NRXN1: variants seen among roughly 807,000 people sequenced by gnomAD.
The protein encoded by NRXN1 is neurexin-1.
A neutral mutation model predicts 150.9 loss-of-function variants in NRXN1; 39 were observed. The observed-to-expected ratio is 0.26, with a 90% CI of 0.20 to 0.34. NRXN1 has a LOEUF of 0.34. NRXN1 is among the 10% of genes least tolerant of loss of function. NRXN1 has a pLI of 1.00. For synonymous variants in NRXN1, 924 were observed against 757.0 expected, an observed-to-expected ratio of 1.22 and a Z score of -3.62; for missense variants, 1,815 against 1,949.9, an observed-to-expected ratio of 0.93 and a Z score of 1.30.
At chr2:50,109,031 A>T (rs1419713847) in intron 18 of NRXN1, among the ~76,000 whole-genome samples, 1 of 152,168 alleles carries the variant, frequency 6.6e-6, no homozygotes, top group East Asian at 1.9e-4. Flanking sequence ...AAAGATATTG[A>T]GCAAAATGTT....
At chr2:50,615,159 G>C (rs1296505152) in intron 8 of NRXN1, among the ~76,000 whole-genome samples, 1 of 152,118 alleles carries the variant, frequency 6.6e-6, no homozygotes, top group South Asian at 2.1e-4. Context: ...TTAGGTTGAT[G>C]AAATTTTCAG....
intron 19 of NRXN1, among the ~76,000 whole-genome samples, chr2:50,080,932 T>C (rs967331792): frequency 6.6e-5 from 10 of 152,314 alleles, no homozygotes; most frequent in African/African-American, 2.2e-4. Context: ...TTTCCTCTAA[T>C]ATCTCAATAT....
At chr2:50,162,528 T>G (rs1245742440) in intron 18 of NRXN1, among the ~76,000 whole-genome samples, 1 of 151,984 alleles carries the variant, frequency 6.6e-6, no homozygotes. Context: ...TGAAATAAAC[T>G]TTGTGGCAGA....
intron 5 of NRXN1, among the ~76,000 whole-genome samples, chr2:50,645,270 C>A (rs1684660987): frequency 6.6e-6 from 1 of 151,678 alleles, no homozygotes; most frequent in Non-Finnish European, 1.5e-5. Context: ...AAATAGATAT[C>A]CAAAGACACA....
At chr2:50,230,930 C>T (rs1027258763) in intron 18 of NRXN1, among the ~76,000 whole-genome samples, 1 of 152,028 alleles carries the variant, frequency 6.6e-6, no homozygotes, top group Non-Finnish European at 1.5e-5. Flanking sequence ...GAAGTTTGGA[C>T]AGTAATTTTA....
At chr2:50,769,306 C>T (rs1266273200) in intron 5 of NRXN1, among the ~76,000 whole-genome samples, 1 of 152,002 alleles carries the variant, frequency 6.6e-6, no homozygotes, top group Non-Finnish European at 1.5e-5. Flanking sequence ...ATGGGTTATC[C>T]AACTCAATCA....
chr2:50,682,761 T>C (rs1234313274), intron 5 of NRXN1, among the ~76,000 whole-genome samples: 1 of 152,152 alleles, frequency 6.6e-6, no homozygotes, highest in Non-Finnish European at 1.5e-5. Context: ...CGTGTCACAT[T>C]CTAAAGTCTA....
chr2:50,898,570 G>A (rs769616821), intron 5 of NRXN1: 10 of 480,418 alleles, frequency 2.1e-5, no homozygotes, highest in Non-Finnish European at 3.7e-5. Flanking sequence ...AAAATGAAAC[G>A]GGATATTGTG....
rs546152195 is a variant in NRXN1, at chr2:49,964,978, C to G, written c.4129-21187G>C. Among the ~76,000 whole-genome samples the G allele has an allele frequency of 2.0e-5, 3 of 152,206 alleles. No homozygotes were observed. In the East Asian group the frequency reaches 5.9e-4, roughly 30 times the overall value. On this transcript the variant is annotated intron_variant, in intron 21 of 22. Coordinates refer to ENST00000401669, the MANE Select transcript of NRXN1 (RefSeq NM_001330078.2). ...ATCAGATCACTGCAACCTCTGTCTC[C>G]TGGGCTCAAGTGATTCTCCCCCTTC...
intron 2 of NRXN1, among the ~76,000 whole-genome samples, chr2:50,999,477 A>G (rs1408761202): frequency 6.6e-6 from 1 of 152,016 alleles, no homozygotes; most frequent in Non-Finnish European, 1.5e-5. Context: ...CTATGTGACA[A>G]GCACAATTCC....
At chr2:50,098,729 T>C (rs1353541852) in intron 18 of NRXN1, among the ~76,000 whole-genome samples, 1 of 151,974 alleles carries the variant, frequency 6.6e-6, no homozygotes, top group Admixed American at 6.6e-5. Context: ...TAATGTCAGT[T>C]GTGTCAGTGT....
intron 10 of NRXN1, among the ~76,000 whole-genome samples, chr2:50,532,720 A>G (rs2093150660): frequency 6.6e-6 from 1 of 152,120 alleles, no homozygotes; most frequent in Admixed American, 6.5e-5. Context: ...TGGCATCAGT[A>G]GGGAAGTTGC....
intron 2 of NRXN1, among the ~76,000 whole-genome samples, chr2:50,996,267 A>C (rs1049243459): frequency 2.6e-5 from 4 of 152,104 alleles, no homozygotes; most frequent in Non-Finnish European, 4.4e-5. Context: ...TGTACGTATC[A>C]TGCTTAAAGT....
intron 21 of NRXN1, among the ~76,000 whole-genome samples, chr2:50,046,525 C>T (rs969930686): frequency 5.3e-5 from 8 of 152,296 alleles, no homozygotes; most frequent in East Asian, 1.9e-4. Flanking sequence ...TCACCTGTGA[C>T]AGGTACTTTG....
chr2:50,734,459 G>T (rs139862760), intron 5 of NRXN1, among the ~76,000 whole-genome samples: 1 of 152,014 alleles, frequency 6.6e-6, no homozygotes, highest in East Asian at 1.9e-4. Context: ...GTGTTGCACC[G>T]CTTTCTTTGT....
intron 12 of NRXN1, among the ~76,000 whole-genome samples, chr2:50,519,742 T>C (rs931654460): frequency 1.3e-5 from 2 of 151,950 alleles, no homozygotes; most frequent in African/African-American, 4.8e-5. Context: ...AAATCTGGTT[T>C]ATTTCTCATG....
chr2:50,543,707 T>G (rs972222837), intron 9 of NRXN1, among the ~76,000 whole-genome samples: 1 of 152,160 alleles, frequency 6.6e-6, no homozygotes, highest in African/African-American at 2.4e-5. Flanking sequence ...TTTCATTACC[T>G]ATTAGTTTCC....
At chr2:49,947,678 C>T (rs1456589856) in intron 21 of NRXN1, among the ~76,000 whole-genome samples, 1 of 151,466 alleles carries the variant, frequency 6.6e-6, no homozygotes, top group East Asian at 1.9e-4. Context: ...TTATAAAATA[C>T]ACATGACAGC....
chr2:50,482,358 G>A (rs1001444827), intron 15 of NRXN1, among the ~76,000 whole-genome samples: 1 of 152,128 alleles, frequency 6.6e-6, no homozygotes, highest in Admixed American at 6.6e-5. Context: ...TCATCTAATG[G>A]CTTTAAATTT....
Sources: gnomAD v4.1 joint callset for allele counts (sites outside exome capture counted in the v4.1 genomes callset) on GRCh38, gnomAD v4.1.1 for gene constraint, MANE v1.5 for transcripts, NCBI Gene and HGNC (gene_info 2026-07-23, HGNC 2026-07-21) for gene names.